IGFL2: variants seen among roughly 807,000 people sequenced by gnomAD.
IGFL2 encodes the protein IGF like family member 2, also known as insulin growth factor-like family member 2.
IGFL2 carries 7 observed loss-of-function variants against 13.9 expected under a neutral mutation model. The ratio of observed to expected loss-of-function variants is 0.51; its 90% CI spans 0.29 to 0.95. IGFL2 has a LOEUF of 0.95. IGFL2 is among the 40% of genes least tolerant of loss of function. The probability of loss-of-function intolerance (pLI) is 0.08; values close to 1 mark genes in which losing one functional copy is unlikely to be tolerated. For synonymous variants in IGFL2, 55 were observed against 55.8 expected, an observed-to-expected ratio of 0.99 and a Z score of 0.07; for missense variants, 138 against 147.8, an observed-to-expected ratio of 0.93 and a Z score of 0.34.
At chr19:46,152,478 C>G (rs1973556963) in intron 1 of IGFL2, among the ~76,000 whole-genome samples, 1 of 151,978 alleles carries the variant, frequency 6.6e-6, no homozygotes, top group South Asian at 2.1e-4. Context: ...CAGATGGGGT[C>G]TCGCTATGTT....
chr19:46,098,574 AT>A, the IGFL2 span, among the ~76,000 whole-genome samples: 2 of 145,458 alleles, frequency 1.4e-5, no homozygotes, highest in Admixed American at 7.2e-5. Flanking sequence ...TGCCTCTTGG[AT>A]TCAAGTGATT....
chr19:46,182,415 C>A, the IGFL2 span, among the ~76,000 whole-genome samples: 1 of 142,970 alleles, frequency 7.0e-6, no homozygotes. Context: ...AACATTTTTT[C>A]TCTCACAATT....
intron 1 of IGFL2, among the ~76,000 whole-genome samples, chr19:46,152,352 A>T (rs918923646): frequency 2.0e-5 from 3 of 151,458 alleles, no homozygotes; most frequent in Non-Finnish European, 4.4e-5. Flanking sequence ...TCATAGCTCA[A>T]TGCAGCTTCG....
the IGFL2 span, among the ~76,000 whole-genome samples, chr19:46,171,035 T>C: frequency 6.6e-6 from 1 of 152,098 alleles, no homozygotes; most frequent in Non-Finnish European, 1.5e-5. Flanking sequence ...TGAAAATTGC[T>C]AATAAAACCC....
the IGFL2 span, among the ~76,000 whole-genome samples, chr19:46,098,700 A>G: frequency 6.6e-6 from 1 of 152,046 alleles, no homozygotes; most frequent in East Asian, 1.9e-4. Flanking sequence ...GCTGGTCTCG[A>G]ACTTCTGACC....
chr19:46,185,067 T>G, the IGFL2 span, among the ~76,000 whole-genome samples: 5 of 151,890 alleles, frequency 3.3e-5, no homozygotes, highest in Non-Finnish European at 7.4e-5. Context: ...TGTCTGTACA[T>G]GTCCTTTGCC....
chr19:46,186,820 C>T, the IGFL2 span, among the ~76,000 whole-genome samples: 8 of 152,308 alleles, frequency 5.3e-5, no homozygotes, highest in African/African-American at 1.9e-4. Flanking sequence ...ACGTGTCAGG[C>T]ATTGTTTAGG....
At chr19:46,157,629 C>A (rs934982301) in intron 1 of IGFL2, among the ~76,000 whole-genome samples, 1 of 152,148 alleles carries the variant, frequency 6.6e-6, no homozygotes, top group Non-Finnish European at 1.5e-5. Context: ...GGGGGAATTT[C>A]CTCAACTCGA....
the IGFL2 span, among the ~76,000 whole-genome samples, chr19:46,169,753 CAGG>C: frequency 1.0e-4 from 15 of 148,920 alleles, no homozygotes; most frequent in African/African-American, 3.7e-4. Context: ...AAGGCTGAGG[CAGG>C]AGAATTGCTT....
chr19:46,170,630 C>A, the IGFL2 span, among the ~76,000 whole-genome samples: 5 of 152,138 alleles, frequency 3.3e-5, no homozygotes, highest in Non-Finnish European at 7.4e-5. Flanking sequence ...TTGCTGAATT[C>A]TTTTCCCAGT....
the IGFL2 span, among the ~76,000 whole-genome samples, chr19:46,180,105 G>T: frequency 6.6e-6 from 1 of 151,908 alleles, no homozygotes; most frequent in Non-Finnish European, 1.5e-5. Context: ...ATTCAGACTA[G>T]CCCTAACTCC....
At chr19:46,172,405 C>T in the IGFL2 span, among the ~76,000 whole-genome samples, 1 of 152,212 alleles carries the variant, frequency 6.6e-6, no homozygotes, top group South Asian at 2.1e-4. Context: ...TTCATGAAGA[C>T]GTGAGTAACT....
chr19:46,198,523 A>T, the IGFL2 span: 1 of 152,144 alleles, frequency 6.6e-6, no homozygotes, highest in South Asian at 2.1e-4. Flanking sequence ...GCAGTTTCAT[A>T]TATAGAAATG....
the IGFL2 span, chr19:46,208,401 G>T: frequency 1.3e-5 from 2 of 152,246 alleles, no homozygotes; most frequent in East Asian, 3.9e-4. Context: ...AGTGTGGCAG[G>T]ACACCCCCTC....
chr19:46,083,884 A>G, the IGFL2 span, among the ~76,000 whole-genome samples: 31,721 of 152,128 alleles, frequency 0.21, 5,165 homozygotes, highest in African/African-American at 0.45. Flanking sequence ...TCAATTATGT[A>G]AGGGTATTCT....
chr19:46,206,007 G>A, the IGFL2 span, among the ~76,000 whole-genome samples: 1 of 152,166 alleles, frequency 6.6e-6, no homozygotes, highest in African/African-American at 2.4e-5. Flanking sequence ...TAATGTTGTT[G>A]TCATACAGGG....
chr19:46,147,634 A>G (rs1973208775), upstream of IGFL2: 1 of 152,238 alleles, frequency 6.6e-6, no homozygotes, highest in African/African-American at 2.4e-5. Context: ...TACTTAGCCT[A>G]CGAGGAACCA....
chr19:46,120,440 AACTTGACTTTAACAG>A, the IGFL2 span: 3 of 1,586,666 alleles, frequency 1.9e-6, no homozygotes, highest in African/African-American at 4.1e-5. Flanking sequence ...AATTTTAACA[AACTTGACTTTAACAG>A]ACTTGACTGC....
At chr19:46,120,838 A>C in the IGFL2 span, among the ~76,000 whole-genome samples, 1 of 150,908 alleles carries the variant, frequency 6.6e-6, no homozygotes, top group African/African-American at 2.5e-5. Flanking sequence ...AAAAATGAGA[A>C]ATATTGAAGG....
Sources: gnomAD v4.1 joint callset for allele counts (sites outside exome capture counted in the v4.1 genomes callset) on GRCh38, gnomAD v4.1.1 for gene constraint, MANE v1.5 for transcripts, NCBI Gene and HGNC (gene_info 2026-07-23, HGNC 2026-07-21) for gene names.